Variants in B3GALNT2 observed in about 807,000 individuals in gnomAD.
B3GALNT2 encodes beta-1,3-N-acetylgalactosaminyltransferase 2, also known as UDP-GalNAc:beta-1,3-N-acetylgalactosaminyltransferase 2.
In B3GALNT2, 53 loss-of-function variants were observed where a neutral mutation model predicts 61.1. The observed-to-expected ratio is 0.87, with a 90% CI of 0.70 to 1.09. The LOEUF is 1.09. Among genes scored for constraint, B3GALNT2 ranks in the 50% least tolerant of loss-of-function variants. The pLI, the probability that B3GALNT2 is intolerant of heterozygous loss-of-function variation, is 0.00. For synonymous variants in B3GALNT2, 223 were observed against 237.4 expected (o/e 0.94, Z 0.56); for missense variants, 544 against 623.0 (o/e 0.87, Z 1.35).
the B3GALNT2 span, chr1:235,441,735 C>T: frequency 7.4e-7 from 1 of 1,348,026 alleles, no homozygotes; most frequent in Non-Finnish European, 1.1e-6. Flanking sequence ...GCTTACCTAT[C>T]CTTTGTTTGT....
intron 1 of B3GALNT2, among the ~76,000 whole-genome samples, chr1:235,495,593 T>C (rs1240655151): frequency 6.6e-6 from 1 of 152,166 alleles, no homozygotes; most frequent in Non-Finnish European, 1.5e-5. Flanking sequence ...CATTTTTTAC[T>C]GTCAGAAGGT....
Position 235,494,697 on chromosome 1 carries a change from G to GA in B3GALNT2, c.243dup (p.Pro82SerfsTer19). ...AAAACCTACCGTTGACTTAATGTGG[G>GA]ATGCTGTAGCAAATGTCTCATCCAG... On this transcript the variant is annotated frameshift_variant, in exon 2 of 12. Transcript: ENST00000366600. LOFTEE classifies it high-confidence loss of function. 1 of 1,612,610 alleles carries GA rather than the reference G, an allele frequency of 6.2e-7. No individual in the cohort carries two copies. Among genetic ancestry groups the GA allele is most frequent in the Non-Finnish European group, 8.5e-7 (1 of 1,179,146 alleles).
chr1:235,440,125 C>T, the B3GALNT2 span, among the ~76,000 whole-genome samples: 43 of 152,300 alleles, frequency 2.8e-4, no homozygotes, highest in African/African-American at 8.9e-4. Flanking sequence ...CGCCCACCAC[C>T]ACACCCGGCT....
intron 5 of B3GALNT2, among the ~76,000 whole-genome samples, chr1:235,474,962 TATATATATATATATATATATATATA>T (rs1488033894): frequency 4.9e-4 from 12 of 24,262 alleles, no homozygotes; most frequent in African/African-American, 1.7e-3. Context: ...TATATATATA[TATATATATATATATATATATATATA>T]TTTTTTTTTT....
intron 4 of B3GALNT2, among the ~76,000 whole-genome samples, chr1:235,481,302 A>G (rs1684555059): frequency 6.6e-6 from 1 of 152,222 alleles, no homozygotes; most frequent in South Asian, 2.1e-4. Context: ...AAAATATTGT[A>G]TGTCTGAACC....
intron 1 of B3GALNT2, among the ~76,000 whole-genome samples, chr1:235,503,765 G>A (rs1169339106): frequency 6.6e-6 from 1 of 152,058 alleles, no homozygotes; most frequent in African/African-American, 2.4e-5. Flanking sequence ...AACAACTTCA[G>A]AGCCAGAGCT....
intron 3 of B3GALNT2, among the ~76,000 whole-genome samples, chr1:235,488,143 C>A (rs1326631929): frequency 1.3e-5 from 2 of 152,056 alleles, no homozygotes; most frequent in East Asian, 3.9e-4. Context: ...TTTTCTTTTA[C>A]AGAAATAAAT....
In B3GALNT2 at chr1:235,447,522, A is replaced by ATTAAC. The variant is rs1558398946; in HGVS notation, c.*2683_*2684insGTTAA. 2.1e-4 allele frequency among the ~76,000 whole-genome samples: 32 copies of ATTAAC among 152,356 alleles called. No homozygotes were observed. The South Asian group carries it at 4.8e-3, about 23-fold the overall frequency. The stretch of plus-strand genomic sequence containing the variant: ...TTGTGTATGTTTAATACAGTTACAC[A>ATTAAC]TGATGTAATTACAGAATGGCGGCGC... On this transcript the variant is annotated 3_prime_UTR_variant, in exon 12 of 12. Coordinates refer to ENST00000366600, the MANE Select transcript of B3GALNT2 (RefSeq NM_152490.5).
Position 235,473,506 on chromosome 1 carries a change from T to C in B3GALNT2, c.652-2546A>G, listed in dbSNP as rs78637107. Among the ~76,000 whole-genome samples, 80 of 152,284 alleles carry C rather than the reference T, an allele frequency of 5.3e-4. 1 individual carries two copies. The East Asian group carries it at 0.014, about 27-fold the overall frequency. On this transcript the variant is annotated intron_variant, in intron 5 of 11. Coordinates refer to ENST00000366600, the MANE Select transcript of B3GALNT2 (RefSeq NM_152490.5). ...GGAGATGGTTACCCAAGATTAAAAA[T>C]ACAGGCGATGAGAACAGATGGGATG...
chr1:235,456,040 TG>T (rs1558409512), intron 8 of B3GALNT2, among the ~76,000 whole-genome samples: 2 of 152,254 alleles, frequency 1.3e-5, no homozygotes. Flanking sequence ...TTGCCCCGTG[TG>T]TTCTTAATAA....
rs140712438 is a variant in B3GALNT2, at chr1:235,450,446, T to C, written c.1369-106A>G. 9.2e-3 allele frequency: 12,498 copies of C among 1,355,660 alleles called. 85 individuals are homozygous for C. Among genetic ancestry groups the C allele is most frequent in the South Asian group, 0.013 (1,011 of 76,264 alleles). 84.0% of individuals were successfully genotyped at this position (1,355,660 alleles called of 1,614,324 possible). A position where few individuals can be genotyped will look rare whatever the true frequency, so the allele number is the denominator to read the frequency against. ...TTATGTATTCTAATGATGCTGAAAT[T>C]ATTTCAAGGATAACTCCGTGTGTGG... is the stretch of plus-strand genomic sequence containing the variant. On this transcript the variant is annotated intron_variant, in intron 11 of 11. Transcript: ENST00000366600.
Position 235,489,279 on chromosome 1 carries a change from T to C in B3GALNT2, c.261-11A>G, listed in dbSNP as rs768326815. The C allele has an allele frequency of 1.1e-5, 18 of 1,612,574 alleles. No homozygotes were observed. The South Asian group carries it at 1.9e-4, about 17-fold the overall frequency. ...AACTTCACAAGCACACTGAGAGATG[T>C]GTTGGCATTAACATCAGTTACTGAT... On this transcript the variant is annotated splice_polypyrimidine_tract_variant and intron_variant, in intron 2 of 11. Coordinates refer to ENST00000366600, the MANE Select transcript of B3GALNT2 (RefSeq NM_152490.5).
intron 11 of B3GALNT2, among the ~76,000 whole-genome samples, chr1:235,452,875 A>G (rs1465792565): frequency 3.3e-5 from 5 of 152,210 alleles, no homozygotes; most frequent in African/African-American, 1.2e-4. Context: ...GAGAGCCAAC[A>G]TGACACTCAA....
chr1:235,442,172 CTAAT>C, the B3GALNT2 span, among the ~76,000 whole-genome samples: 2 of 151,824 alleles, frequency 1.3e-5, no homozygotes. Context: ...CCATGCCCGG[CTAAT>C]TTTTTTTAAT....
At chr1:235,485,507 ATG>A (rs2102846384) in intron 3 of B3GALNT2, among the ~76,000 whole-genome samples, 1 of 151,976 alleles carries the variant, frequency 6.6e-6, no homozygotes, top group South Asian at 2.1e-4. Flanking sequence ...GGGTCTCATC[ATG>A]TTACCCAGGC....
intron 2 of B3GALNT2, 25 bp downstream of exon 2, chr1:235,494,656 C>G: frequency 6.3e-7 from 1 of 1,599,956 alleles, no homozygotes; most frequent in African/African-American, 1.3e-5. Context: ...ATAAACCAGG[C>G]AAGGCAACAA....
intron 5 of B3GALNT2, among the ~76,000 whole-genome samples, chr1:235,477,960 G>A (rs1039158946): frequency 6.6e-6 from 1 of 152,176 alleles, no homozygotes; most frequent in Non-Finnish European, 1.5e-5. Flanking sequence ...TCATCTTAGA[G>A]GAGGAAATAG....
chr1:235,476,950 A>G (rs1318148552), intron 5 of B3GALNT2, among the ~76,000 whole-genome samples: 3 of 151,604 alleles, frequency 2.0e-5, no homozygotes, highest in African/African-American at 4.8e-5. Flanking sequence ...ATTTGAGCCC[A>G]TATGGTTGAG....
chr1:235,489,352 A>C (rs1395363141), intron 2 of B3GALNT2, 84 bp from the exon 3 acceptor site: 1 of 1,564,236 alleles, frequency 6.4e-7, no homozygotes. Context: ...CAGAGCTTTT[A>C]CTTTGAGACA....
Sources: allele counts gnomAD v4.1 joint callset (sites outside exome capture counted in the v4.1 genomes callset), GRCh38; gene constraint gnomAD v4.1.1; transcripts MANE v1.5; gene names NCBI Gene and HGNC (gene_info 2026-07-23, HGNC 2026-07-21).